The following APBA1 variants were observed in gnomAD, a reference collection of about 807,000 sequenced individuals.
APBA1 encodes amyloid beta precursor protein binding family A member 1.
A neutral mutation model predicts 86.6 loss-of-function variants in APBA1; 55 were observed. The observed-to-expected ratio is 0.64, with a 90% confidence interval of 0.51 to 0.80. The LOEUF is 0.80. APBA1 is among the 30% of genes least tolerant of loss of function. The probability of loss-of-function intolerance (pLI) is 0.00; values close to 1 mark genes in which losing one functional copy is unlikely to be tolerated. For missense variants in APBA1, 1,090 were observed against 1,183.0 expected, an observed-to-expected ratio of 0.92 and a Z score of 1.15; for synonymous variants, 511 against 493.9, an observed-to-expected ratio of 1.03 and a Z score of -0.46.
chr9:69,559,013 C>T (rs1436439018), intron 1 of APBA1, among the ~76,000 whole-genome samples: 1 of 152,128 alleles, frequency 6.6e-6, no homozygotes, highest in Non-Finnish European at 1.5e-5. Context: ...GCTTTTTAAC[C>T]CCCACTCCTC....
intron 1 of APBA1, among the ~76,000 whole-genome samples, chr9:69,576,875 TTGTG>T (rs1350555616): frequency 6.6e-6 from 1 of 152,158 alleles, no homozygotes; most frequent in Non-Finnish European, 1.5e-5. Context: ...TATGCATTAT[TTGTG>T]TGATAAAATT....
chr9:69,482,355 A>C (rs1195088681), intron 2 of APBA1, among the ~76,000 whole-genome samples: 4 of 151,966 alleles, frequency 2.6e-5, no homozygotes, highest in African/African-American at 9.7e-5. Flanking sequence ...TTATGCAGCC[A>C]AAAAACACAT....
chr9:69,550,557 C>A (rs953910424), intron 1 of APBA1, among the ~76,000 whole-genome samples: 1 of 152,196 alleles, frequency 6.6e-6, no homozygotes, highest in Non-Finnish European at 1.5e-5. Flanking sequence ...TTCATCCATT[C>A]ATTCTGTAAA....
At chr9:69,622,863 C>T (rs1338054245) in intron 1 of APBA1, among the ~76,000 whole-genome samples, 1 of 152,158 alleles carries the variant, frequency 6.6e-6, no homozygotes, top group Non-Finnish European at 1.5e-5. Flanking sequence ...ACAAACCCTT[C>T]TGATGTTTGG....
chr9:69,466,071 G>A (rs1329262416), intron 5 of APBA1, among the ~76,000 whole-genome samples: 1 of 152,146 alleles, frequency 6.6e-6, no homozygotes, highest in Non-Finnish European at 1.5e-5. Flanking sequence ...CAAAAGTTAC[G>A]GCATGGGCTT....
In APBA1 at chr9:69,516,590, C is replaced by T. The variant is rs753114809; in HGVS notation, c.621G>A (p.Leu207=). 1 of 1,603,376 alleles carries T rather than the reference C, an allele frequency of 6.2e-7. No homozygotes were observed. Among genetic ancestry groups the T allele is most frequent in the Non-Finnish European group, 8.5e-7 (1 of 1,179,094 alleles). ...AGAGCCGCAGGCCGTCGCGTGCGTC[C>T]AGCTCGGGCGCGTCCCCTATCTCCT... ...VYEEIGDAPE[L]DARDGLRLYE... is the part of the protein sequence containing the mutation. The change falls in exon 2 of 13, where the codon CTG becomes CTA. Residue 207 remains leucine (L), a synonymous_variant. Coordinates refer to ENST00000265381, the MANE Select transcript of APBA1 (RefSeq NM_001163.4). The surrounding 1 kb of genome is among the most constrained non-coding windows in gnomAD (Gnocchi z 7.3).
intron 4 of APBA1, among the ~76,000 whole-genome samples, chr9:69,471,153 A>G (rs1167605311): frequency 6.6e-6 from 1 of 152,206 alleles, no homozygotes; most frequent in Non-Finnish European, 1.5e-5. Context: ...ATTAGTTATT[A>G]CATGGGAGGT....
chr9:69,608,267 G>A (rs1278492382), intron 1 of APBA1, among the ~76,000 whole-genome samples: 1 of 152,178 alleles, frequency 6.6e-6, no homozygotes, highest in African/African-American at 2.4e-5. Context: ...ATATAGAAGT[G>A]TTTACTAAGG....
In APBA1 at chr9:69,449,516, G is replaced by A. The variant is rs140376953; in HGVS notation, c.2181+68C>T. 39 of 1,381,806 alleles carry A rather than the reference G, an allele frequency of 2.8e-5. No homozygotes were observed. The Middle Eastern group carries it at 9.8e-4, about 35-fold the overall frequency. The allele number at this position is 1,381,806 out of a possible 1,614,324, so 85.6% of individuals were successfully genotyped here. On this transcript the variant is annotated intron_variant, in intron 10 of 12. Transcript: ENST00000265381. ...AATATGTTCATATACATTAATGACTGGATGGGGGTCACACTTCACATCACT... is the reference window on the plus strand; with the variant it reads ...AATATGTTCATATACATTAATGACTAGATGGGGGTCACACTTCACATCACT...
chr9:69,437,161 T>C (rs888842842), intron 11 of APBA1, among the ~76,000 whole-genome samples: 1 of 151,826 alleles, frequency 6.6e-6, no homozygotes, highest in Admixed American at 6.6e-5. Context: ...TTTTGATGTG[T>C]TGCTGGATTC....
At chr9:69,624,866 T>G (rs1822898406) in intron 1 of APBA1, among the ~76,000 whole-genome samples, 2 of 152,228 alleles carry the variant, frequency 1.3e-5, no homozygotes, top group Admixed American at 6.5e-5. Flanking sequence ...CTTTCTCCAC[T>G]GTCAAACTGA....
intron 1 of APBA1, among the ~76,000 whole-genome samples, chr9:69,666,444 A>G (rs1410695817): frequency 6.6e-6 from 1 of 151,526 alleles, no homozygotes; most frequent in African/African-American, 2.4e-5. Flanking sequence ...TCTTCGTCAT[A>G]GCACTTACCA....
intron 1 of APBA1, among the ~76,000 whole-genome samples, chr9:69,566,946 C>G (rs1837036093): frequency 6.6e-6 from 1 of 152,172 alleles, no homozygotes; most frequent in Non-Finnish European, 1.5e-5. Context: ...GGCTGAAACT[C>G]TGTTCATGTT....
intron 1 of APBA1, among the ~76,000 whole-genome samples, chr9:69,612,648 G>C (rs1822612775): frequency 6.6e-6 from 1 of 151,876 alleles, no homozygotes; most frequent in African/African-American, 2.4e-5. Flanking sequence ...TAGAAATTCA[G>C]GTTACTAAGA....
At chr9:69,579,373 A>G (rs764583307) in intron 1 of APBA1, among the ~76,000 whole-genome samples, 6 of 152,192 alleles carry the variant, frequency 3.9e-5, no homozygotes, top group Non-Finnish European at 8.8e-5. Flanking sequence ...TCCTCAAGGT[A>G]TTGGCTCTCA....
chr9:69,495,847 G>A (rs537864041), intron 2 of APBA1, among the ~76,000 whole-genome samples: 1 of 152,160 alleles, frequency 6.6e-6, no homozygotes, highest in East Asian at 1.9e-4. Context: ...TGGGCATGTG[G>A]TGCGAGCCTG....
intron 10 of APBA1, among the ~76,000 whole-genome samples, chr9:69,447,240 G>T (rs775550882): frequency 3.3e-5 from 5 of 152,014 alleles, no homozygotes; most frequent in Non-Finnish European, 7.4e-5. Flanking sequence ...TATTTGGAGG[G>T]AACACAAATA....
At chr9:69,537,769 G>T (rs187763002) in intron 1 of APBA1, among the ~76,000 whole-genome samples, 4 of 151,748 alleles carry the variant, frequency 2.6e-5, no homozygotes, top group Non-Finnish European at 5.9e-5. Flanking sequence ...TGAACTGCCT[G>T]GTTTTCTACT....
At chr9:69,553,267 G>T in intron 1 of APBA1, among the ~76,000 whole-genome samples, 1 of 152,148 alleles carries the variant, frequency 6.6e-6, no homozygotes, top group Non-Finnish European at 1.5e-5. Flanking sequence ...ACAATTTGAT[G>T]AATGTGTGTA....
Sources: gnomAD v4.1 joint callset for allele counts (sites outside exome capture counted in the v4.1 genomes callset) on GRCh38, gnomAD v4.1.1 for gene constraint, Gnocchi (gnomAD v3.1) non-coding constraint, MANE v1.5 for transcripts, NCBI Gene and HGNC (gene_info 2026-07-23, HGNC 2026-07-21) for gene names.